ANO10: variants seen among roughly 807,000 people sequenced by gnomAD.
ANO10 encodes the protein anoctamin-10.
ANO10 carries 77 observed loss-of-function variants against 74.7 expected under a neutral mutation model. The observed-to-expected ratio is 1.03, with a 90% CI of 0.86 to 1.25. The LOEUF (loss-of-function observed/expected upper bound fraction) is 1.25. Ranked by LOEUF, ANO10 falls within the 50% of genes most tolerant of loss-of-function variation. The pLI, the probability that ANO10 is intolerant of heterozygous loss-of-function variation, is 0.00. For missense variants in ANO10, 721 were observed against 778.1 expected (o/e 0.93, Z 0.87); for synonymous variants, 279 against 284.9 (o/e 0.98, Z 0.21).
chr3:43,677,300 G>C (rs2084135735), intron 1 of ANO10, among the ~76,000 whole-genome samples: 1 of 152,162 alleles, frequency 6.6e-6, no homozygotes, highest in Non-Finnish European at 1.5e-5. Flanking sequence ...TGTAATCCCA[G>C]CACTTTGGGA....
chr3:43,585,003 T>C (rs2081415085), intron 4 of ANO10, among the ~76,000 whole-genome samples: 1 of 152,186 alleles, frequency 6.6e-6, no homozygotes, highest in African/African-American at 2.4e-5. Context: ...TAGCTTTTCC[T>C]CTTATTTCTA....
chr3:43,596,442 C>A (rs969681069), intron 4 of ANO10, among the ~76,000 whole-genome samples: 1 of 151,948 alleles, frequency 6.6e-6, no homozygotes. Flanking sequence ...AGAACAGAGC[C>A]CTCAGAAATA....
intron 11 of ANO10, among the ~76,000 whole-genome samples, chr3:43,488,076 C>A (rs1360616890): frequency 2.0e-5 from 3 of 151,868 alleles, no homozygotes; most frequent in Non-Finnish European, 4.4e-5. Flanking sequence ...GGAAAGGATT[C>A]CCTATTTAAT....
chr3:43,503,171 T>G (rs951078651), intron 11 of ANO10, among the ~76,000 whole-genome samples: 4 of 152,240 alleles, frequency 2.6e-5, no homozygotes, highest in African/African-American at 9.6e-5. Flanking sequence ...ATGGATGTAG[T>G]GATCCAGTCA....
chr3:43,471,792 A>G (rs1045162859), intron 11 of ANO10, among the ~76,000 whole-genome samples: 1 of 152,202 alleles, frequency 6.6e-6, no homozygotes, highest in African/African-American at 2.4e-5. Context: ...TTTCTTTTTA[A>G]GAAAAGTGAA....
chr3:43,409,958 T>C (rs559416585), intron 12 of ANO10, among the ~76,000 whole-genome samples: 19 of 152,296 alleles, frequency 1.2e-4, no homozygotes, highest in Non-Finnish European at 2.4e-4. Context: ...AGACCCAAAC[T>C]TTAAGAAAAT....
intron 8 of ANO10, 104 bp downstream of exon 8, chr3:43,565,549 A>C: frequency 3.1e-6 from 3 of 961,934 alleles, no homozygotes; most frequent in South Asian, 3.2e-5. Context: ...AAAATTTAAA[A>C]GATTTTATTT....
chr3:43,559,907 T>A (rs2079943286), intron 9 of ANO10, among the ~76,000 whole-genome samples: 1 of 152,118 alleles, frequency 6.6e-6, no homozygotes, highest in Admixed American at 6.5e-5. Flanking sequence ...TGAGACAGAG[T>A]AGGTGTGTGT....
chr3:43,420,465 G>C lies in ANO10; in HGVS notation c.1914+12146C>G, dbSNP rs141081127. Among the ~76,000 whole-genome samples, 1,217 of 147,892 alleles carry C rather than the reference G, an allele frequency of 8.2e-3. 18 individuals are homozygous for C. The highest frequency in any genetic ancestry group is 0.028 in the African/African-American group (1,138 of 40,224). On this transcript the variant is annotated intron_variant, in intron 12 of 12. Transcript: ENST00000292246. ...CAGACCCTGTCTCAAAAAAGAAAAA[G>C]AAAAACAAAAACAAAAAGCAAAAGC...
chr3:43,461,186 A>G (rs1001662226), intron 11 of ANO10, among the ~76,000 whole-genome samples: 1 of 152,202 alleles, frequency 6.6e-6, no homozygotes, highest in African/African-American at 2.4e-5. Flanking sequence ...AAAAAAGGAG[A>G]TATCATTAAA....
chr3:43,438,251 G>A (rs2093103111), intron 11 of ANO10, among the ~76,000 whole-genome samples: 2 of 152,034 alleles, frequency 1.3e-5, no homozygotes, highest in South Asian at 2.1e-4. Flanking sequence ...AAGTAACATA[G>A]CAAGACCTTA....
At chr3:43,549,970 C>T in intron 10 of ANO10, 122 bp from the exon 11 acceptor site, 1 of 1,178,166 alleles carries the variant, frequency 8.5e-7, no homozygotes, top group African/African-American at 1.6e-5. Flanking sequence ...ATTCCAAGTA[C>T]ATTTTAAATT....
intron 12 of ANO10, among the ~76,000 whole-genome samples, chr3:43,379,128 C>T (rs994809626): frequency 6.6e-6 from 1 of 152,118 alleles, no homozygotes; most frequent in Non-Finnish European, 1.5e-5. Context: ...TCAATATTTT[C>T]GCAAATCTAG....
Position 43,448,842 on chromosome 3 carries a change from T to C in ANO10, c.1798-16115A>G, listed in dbSNP as rs532477398. 2.7e-4 allele frequency among the ~76,000 whole-genome samples: 41 copies of C among 151,792 alleles called. 1 individual carries two copies. In the East Asian group the frequency reaches 8.0e-3, roughly 29 times the overall value. ...ACTGAGCTATTGGATTGTTTGTTTA[T>C]GGATTGTTTTCTTTCTTTCTTTCTT... is the stretch of plus-strand genomic sequence containing the variant. On this transcript the variant is annotated intron_variant, in intron 11 of 12. Coordinates refer to ENST00000292246, the MANE Select transcript of ANO10 (RefSeq NM_018075.5).
At chr3:43,567,968 A>ACCC (rs1228690863) in intron 7 of ANO10, among the ~76,000 whole-genome samples, 2 of 152,224 alleles carry the variant, frequency 1.3e-5, no homozygotes, top group East Asian at 3.9e-4. Flanking sequence ...CCACAGGCTC[A>ACCC]AAATAAAAGG....
In ANO10 at chr3:43,378,532, T is replaced by C. The variant is rs2091874700; in HGVS notation, c.1915-11558A>G. Among the ~76,000 whole-genome samples the C allele has an allele frequency of 2.6e-5, 4 of 152,304 alleles. No homozygotes were observed. The South Asian group carries it at 8.3e-4, about 32-fold the overall frequency. ...TGTATGGCCCTTTGATAAATGCAAATATCTATATCTTCTATAATGTCATTT... is the reference window on the plus strand; with the variant it reads ...TGTATGGCCCTTTGATAAATGCAAACATCTATATCTTCTATAATGTCATTT... On this transcript the variant is annotated intron_variant, in intron 12 of 12. Coordinates refer to ENST00000292246, the MANE Select transcript of ANO10 (RefSeq NM_018075.5).
At chr3:43,469,790 A>G (rs938610068) in intron 11 of ANO10, among the ~76,000 whole-genome samples, 1 of 152,224 alleles carries the variant, frequency 6.6e-6, no homozygotes, top group African/African-American at 2.4e-5. Flanking sequence ...ATATGTCTGT[A>G]TATATATTAA....
intron 1 of ANO10, among the ~76,000 whole-genome samples, chr3:43,656,507 A>G (rs2083854567): frequency 6.6e-6 from 1 of 152,164 alleles, no homozygotes; most frequent in Non-Finnish European, 1.5e-5. Flanking sequence ...CTCGGGCCGC[A>G]CAGGAGCCCA....
At chr3:43,565,511 T>A in intron 8 of ANO10, 142 bp downstream of exon 8, 1 of 771,390 alleles carries the variant, frequency 1.3e-6, no homozygotes, top group African/African-American at 1.8e-5. Context: ...TAATAATTTT[T>A]TATTTAGAAT....
Sources: gnomAD v4.1 joint callset for allele counts (sites outside exome capture counted in the v4.1 genomes callset) on GRCh38, gnomAD v4.1.1 for gene constraint, MANE v1.5 for transcripts, NCBI Gene and HGNC (gene_info 2026-07-23, HGNC 2026-07-21) for gene names.